RBFOX1: variants seen among roughly 807,000 people sequenced by gnomAD.
RBFOX1 encodes the protein RNA binding protein fox-1 homolog 1.
A neutral mutation model predicts 57.7 loss-of-function variants in RBFOX1; 8 were observed. The ratio of observed to expected loss-of-function variants is 0.14; its 90% CI spans 0.08 to 0.25. The LOEUF is 0.25. Ranked by LOEUF, RBFOX1 falls within the 10% of genes least tolerant of loss-of-function variation. The probability of loss-of-function intolerance (pLI) is 1.00; values close to 1 mark genes in which losing one functional copy is unlikely to be tolerated. For missense variants in RBFOX1, 611 were observed against 548.5 expected, an observed-to-expected ratio of 1.11 and a Z score of -1.14; for synonymous variants, 326 against 222.4, an observed-to-expected ratio of 1.47 and a Z score of -4.15.
chr16:6,195,409 G>A (rs984852648), intron 1 of RBFOX1, among the ~76,000 whole-genome samples: 5 of 152,102 alleles, frequency 3.3e-5, no homozygotes, highest in African/African-American at 1.2e-4. Context: ...ATGGCCTTTA[G>A]TAGATGCTCG....
chr16:7,062,892 C>CTTTTTTTTTTTTTTTT (rs1491558284), intron 4 of RBFOX1, among the ~76,000 whole-genome samples: 4 of 59,950 alleles, frequency 6.7e-5, no homozygotes, highest in African/African-American at 2.2e-4. Flanking sequence ...AAATGATCGC[C>CTTTTTTTTTTTTTTTT]ATTTTTTTTT....
chr16:5,569,876 C>T (rs576210355), intron 2 of RBFOX1, among the ~76,000 whole-genome samples: 9 of 152,128 alleles, frequency 5.9e-5, no homozygotes, highest in South Asian at 2.1e-4. Flanking sequence ...GTTCTGTCTG[C>T]GACATAAGAA....
In RBFOX1 at chr16:6,433,823, A is replaced by G. The variant is rs547567635; in HGVS notation, c.-64+116766A>G. Among the ~76,000 whole-genome samples, 6 of 147,176 alleles carry G rather than the reference A, an allele frequency of 4.1e-5. No homozygotes were observed. In the East Asian group the frequency reaches 9.9e-4, roughly 24 times the overall value. On this transcript the variant is annotated intron_variant, in intron 2 of 15. Transcript: ENST00000550418. ...CCATCATCACACCTCCTTTTCCTCT[A>G]GCTCCAACCTCTTTTCATTTTTCTT...
intron 2 of RBFOX1, among the ~76,000 whole-genome samples, chr16:6,589,506 GTGATGCCCACTGA>G (rs1411923299): frequency 7.2e-5 from 11 of 152,200 alleles, no homozygotes; most frequent in Non-Finnish European, 1.3e-4. Context: ...ATCCATATGG[GTGATGCCCACTGA>G]TCCATCAAGT....
At chr16:7,332,980 G>T in intron 4 of RBFOX1, 1 of 1,613,172 alleles carries the variant, frequency 6.2e-7, no homozygotes, top group Non-Finnish European at 8.5e-7. Flanking sequence ...GCTTCAGAGG[G>T]AATAATAACT....
intron 4 of RBFOX1, among the ~76,000 whole-genome samples, chr16:7,281,933 A>C (rs929318505): frequency 6.6e-6 from 1 of 152,056 alleles, no homozygotes; most frequent in African/African-American, 2.4e-5. Context: ...TGGCACAATT[A>C]TAGCTCACTG....
chr16:5,699,745 A>C (rs1463792265), intron 3 of RBFOX1, among the ~76,000 whole-genome samples: 2 of 152,226 alleles, frequency 1.3e-5, no homozygotes, highest in Non-Finnish European at 2.9e-5. Context: ...TATCCTGCCC[A>C]AAATACCAAC....
chr16:6,856,950 C>A lies in RBFOX1; in HGVS notation c.-15-195107C>A, dbSNP rs150537281. Among the ~76,000 whole-genome samples the A allele has an allele frequency of 6.2e-4, 94 of 152,180 alleles. No individual in the cohort carries two copies. In the East Asian group the frequency reaches 0.017, roughly 28 times the overall value. On this transcript the variant is annotated intron_variant, in intron 3 of 15. Coordinates refer to ENST00000550418, the MANE Select transcript of RBFOX1 (RefSeq NM_018723.4). ...GAAGGAAAGAAAACGAACGGAGGGA[C>A]ATGAGAAGAAAGGGAGGGACAAAGA...
chr16:6,396,346 G>A (rs2092834974), intron 2 of RBFOX1, among the ~76,000 whole-genome samples: 2 of 152,138 alleles, frequency 1.3e-5, no homozygotes. Flanking sequence ...CAAGGAAGAC[G>A]AGACTCAGGA....
chr16:6,856,116 C>A (rs4129257), intron 3 of RBFOX1, among the ~76,000 whole-genome samples: 1,783 of 151,618 alleles, frequency 0.012, 19 homozygotes, highest in Non-Finnish European at 0.019. Context: ...CCTTTCTTCC[C>A]TTTCCTTCCC....
At chr16:7,274,982 C>T (rs1008225727) in intron 4 of RBFOX1, among the ~76,000 whole-genome samples, 5 of 152,072 alleles carry the variant, frequency 3.3e-5, no homozygotes, top group African/African-American at 1.2e-4. Context: ...CTGCACCTGC[C>T]CAAAAGCATT....
intron 2 of RBFOX1, among the ~76,000 whole-genome samples, chr16:6,626,937 G>C (rs1250020399): frequency 6.6e-6 from 1 of 152,126 alleles, no homozygotes; most frequent in Admixed American, 6.6e-5. Flanking sequence ...GAATTGTTAT[G>C]ATAGCCTAAA....
chr16:7,377,165 A>G (rs2097699902), intron 4 of RBFOX1, among the ~76,000 whole-genome samples: 1 of 152,238 alleles, frequency 6.6e-6, no homozygotes, highest in Non-Finnish European at 1.5e-5. Context: ...ACTTATTTAG[A>G]TAAAATACCA....
intron 4 of RBFOX1, among the ~76,000 whole-genome samples, chr16:7,224,507 A>G (rs2092965521): frequency 6.6e-6 from 1 of 151,116 alleles, no homozygotes; most frequent in African/African-American, 2.5e-5. Flanking sequence ...GCTACCTGGG[A>G]CCTGCCCCTC....
intron 2 of RBFOX1, among the ~76,000 whole-genome samples, chr16:6,317,722 A>T (rs1210974336): frequency 6.6e-6 from 1 of 152,044 alleles, no homozygotes; most frequent in Non-Finnish European, 1.5e-5. Context: ...TTATATGCAG[A>T]TATACTCTAG....
intron 3 of RBFOX1, among the ~76,000 whole-genome samples, chr16:6,736,133 C>T (rs1443839382): frequency 1.3e-5 from 2 of 151,790 alleles, no homozygotes; most frequent in South Asian, 2.1e-4. Flanking sequence ...AATTTATGTC[C>T]ATGTTGTTAC....
At position 7,712,685 on chromosome 16, in the gene RBFOX1, C is replaced by G. The variant is rs550021488; in HGVS notation, c.*1940C>G. The G allele has an allele frequency of 6.6e-6, 1 of 152,130 alleles. No homozygotes were observed. The highest frequency in any genetic ancestry group is 2.4e-5 in the African/African-American group (1 of 41,420). The allele number at this position is 152,130 out of a possible 1,614,324, so 9.4% of individuals were successfully genotyped here. A position where few individuals can be genotyped will look rare whatever the true frequency, so the allele number is the denominator to read the frequency against. ...CATCACTAAGACATTCTCATTCCCC[C>G]ACCTGGAAAACAGTGTTATGGCAAT... is the stretch of plus-strand genomic sequence containing the variant. On this transcript the variant is annotated 3_prime_UTR_variant, in exon 16 of 16. Coordinates refer to ENST00000550418, the MANE Select transcript of RBFOX1 (RefSeq NM_018723.4).
chr16:5,944,620 T>C (rs1182674504), intron 4 of RBFOX1, among the ~76,000 whole-genome samples: 1 of 150,998 alleles, frequency 6.6e-6, no homozygotes, highest in Non-Finnish European at 1.5e-5. Flanking sequence ...AGGAAATCTA[T>C]ACTGTCCCCG....
At chr16:6,894,770 C>A (rs918508972) in intron 3 of RBFOX1, among the ~76,000 whole-genome samples, 4 of 152,080 alleles carry the variant, frequency 2.6e-5, no homozygotes, top group Admixed American at 2.0e-4. Context: ...TTTCTATTAT[C>A]TTAAAAAGCC....
Sources: gnomAD v4.1 joint callset for allele counts (sites outside exome capture counted in the v4.1 genomes callset) on GRCh38, gnomAD v4.1.1 for gene constraint, MANE v1.5 for transcripts, NCBI Gene and HGNC (gene_info 2026-07-23, HGNC 2026-07-21) for gene names.